Variants in TYW1B observed in about 807,000 individuals in gnomAD.
TYW1B encodes the protein tRNA-yW synthesizing protein 1 homolog B.
TYW1B carries 73 observed loss-of-function variants against 86.9 expected under a neutral mutation model. The ratio of observed to expected loss-of-function variants is 0.84; its 90% CI spans 0.70 to 1.02. The LOEUF (loss-of-function observed/expected upper bound fraction) is 1.02, where lower values mean the gene tolerates loss of function less well. Ranked by LOEUF, TYW1B falls within the 50% of genes least tolerant of loss-of-function variation. The pLI is 0.00. For synonymous variants in TYW1B, 248 were observed against 292.8 expected (o/e 0.85, Z 1.56); for missense variants, 637 against 827.4 (o/e 0.77, Z 2.82).
At position 72,823,957 on chromosome 7, in the gene TYW1B, T is replaced by C. The variant is rs143788021; in HGVS notation, c.135+2898A>G. On this transcript the variant is annotated intron_variant, in intron 2 of 13. Transcript: ENST00000620995. ...GCAAGTATTCGTTTGATCTTTTTGA[T>C]CATTTTTTTTTAAAAAGGTAAAAAC... 7.1e-3 allele frequency among the ~76,000 whole-genome samples: 1,079 copies of C among 152,098 alleles called. 11 individuals are homozygous for C. Among genetic ancestry groups the C allele is most frequent in the Middle Eastern group, 0.01 (3 of 294 alleles).
intron 9 of TYW1B, among the ~76,000 whole-genome samples, chr7:72,718,020 G>A (rs1428144760): frequency 1.3e-5 from 2 of 152,092 alleles, no homozygotes; most frequent in South Asian, 2.1e-4. Flanking sequence ...GTACCCACTC[G>A]TATGTTCATC....
At position 72,752,231 on chromosome 7, in the gene TYW1B, G is replaced by C. The variant is rs374802634; in HGVS notation, c.965-7630C>G. ...ATTTCACAGGCCAGGCCACTTGAGG[G>C]GGCTGCAGGCTGGGGAGAAGGATCG... On this transcript the variant is annotated intron_variant, in intron 7 of 13. Coordinates refer to ENST00000620995, the MANE Select transcript of TYW1B (RefSeq NM_001145440.3). Among the ~76,000 whole-genome samples, 43 of 152,268 alleles carry C rather than the reference G, an allele frequency of 2.8e-4. No individual in the cohort carries two copies. In the East Asian group the frequency reaches 4.6e-3, roughly 16 times the overall value.
intron 11 of TYW1B, among the ~76,000 whole-genome samples, chr7:72,679,818 A>G (rs782442286): frequency 5.3e-5 from 8 of 152,202 alleles, no homozygotes; most frequent in Admixed American, 3.3e-4. Flanking sequence ...GGAGTTATAC[A>G]TAAGAGTGAA....
intron 4 of TYW1B, among the ~76,000 whole-genome samples, chr7:72,810,205 G>C (rs1451008545): frequency 1.3e-5 from 2 of 152,164 alleles, no homozygotes; most frequent in African/African-American, 4.8e-5. Context: ...TTGAACCCGG[G>C]AGCTAGAAGT....
intron 11 of TYW1B, among the ~76,000 whole-genome samples, chr7:72,666,148 T>C (rs1387158036): frequency 1.3e-5 from 2 of 152,112 alleles, no homozygotes; most frequent in African/African-American, 4.8e-5. Context: ...GCATGGTGGC[T>C]CACGCCTATA....
At position 72,726,740 on chromosome 7, in the gene TYW1B, G is replaced by A. The variant is rs537457851; in HGVS notation, c.1192+2082C>T. 3.2e-4 allele frequency among the ~76,000 whole-genome samples: 48 copies of A among 152,178 alleles called. No homozygotes were observed. The South Asian group carries it at 9.8e-3, about 31-fold the overall frequency. On this transcript the variant is annotated intron_variant, in intron 9 of 13. Coordinates refer to ENST00000620995, the MANE Select transcript of TYW1B (RefSeq NM_001145440.3). ...CATGACTTTTCTCCATTTCTCATAA[G>A]AATGAGAAATAAGTATGAGCCCATT...
intron 13 of TYW1B, among the ~76,000 whole-genome samples, chr7:72,598,645 G>C (rs1811589370): frequency 1.3e-5 from 2 of 152,272 alleles, no homozygotes; most frequent in Non-Finnish European, 2.9e-5. Context: ...AAGTTTAATA[G>C]CCTGAGGAGT....
In TYW1B at chr7:72,674,940, A is replaced by G. The variant is rs145899061; in HGVS notation, c.1506+19747T>C. ...TCCTTAGAAACGGATTTCTAGCCTT[A>G]GAATAAAAAGAGTACCAAAAAATAA... On this transcript the variant is annotated intron_variant, in intron 11 of 13. Coordinates refer to ENST00000620995, the MANE Select transcript of TYW1B (RefSeq NM_001145440.3). 1.6e-3 allele frequency among the ~76,000 whole-genome samples: 240 copies of G among 152,054 alleles called. 11 individuals are homozygous for G. In the East Asian group the frequency reaches 0.044, roughly 28 times the overall value.
At position 72,613,339 on chromosome 7, in the gene TYW1B, T is replaced by A. The variant is rs1811982940; in HGVS notation, c.1785+3333A>T. Among the ~76,000 whole-genome samples, 3 of 151,898 alleles carry A rather than the reference T, an allele frequency of 2.0e-5. No homozygotes were observed. In the South Asian group the frequency reaches 6.2e-4, roughly 32 times the overall value. ...AGAAGAATATCTGACAGAGGCTGTA[T>A]GTGCCTTGCAAACCTCAAATATTTA... On this transcript the variant is annotated intron_variant, in intron 13 of 13. Transcript: ENST00000620995.
At chr7:72,706,115 T>C (rs1162030921) in intron 10 of TYW1B, among the ~76,000 whole-genome samples, 3 of 152,162 alleles carry the variant, frequency 2.0e-5, no homozygotes, top group Non-Finnish European at 4.4e-5. Flanking sequence ...AAAATGCGGA[T>C]TGCATATGAA....
intron 10 of TYW1B, among the ~76,000 whole-genome samples, chr7:72,702,867 G>A (rs1334180906): frequency 6.6e-6 from 1 of 151,752 alleles, no homozygotes; most frequent in African/African-American, 2.4e-5. Flanking sequence ...ATTTTTGCCA[G>A]TATTCTCATT....
At chr7:72,582,512 GTCTCAAAAAGT>G (rs1554429764) in intron 13 of TYW1B, among the ~76,000 whole-genome samples, 2 of 152,128 alleles carry the variant, frequency 1.3e-5, no homozygotes, top group Non-Finnish European at 2.9e-5. Context: ...GACATTAAAG[GTCTCAAAAAGT>G]TGTACTTTTT....
intron 11 of TYW1B, among the ~76,000 whole-genome samples, chr7:72,692,562 T>C (rs1472661660): frequency 6.6e-6 from 1 of 151,986 alleles, no homozygotes; most frequent in Non-Finnish European, 1.5e-5. Flanking sequence ...TGTACTATGC[T>C]AGACATTGTG....
chr7:72,803,462 T>C (rs1178835278), intron 5 of TYW1B, among the ~76,000 whole-genome samples: 4 of 152,178 alleles, frequency 2.6e-5, no homozygotes, highest in African/African-American at 9.7e-5. Flanking sequence ...ATTCATTTCA[T>C]CCTTAACTAC....
chr7:72,648,685 A>T (rs1554442378), intron 11 of TYW1B, among the ~76,000 whole-genome samples: 1 of 152,202 alleles, frequency 6.6e-6, no homozygotes, highest in Non-Finnish European at 1.5e-5. Context: ...CAGAGTTTGA[A>T]GAGTCATGTA....
intron 11 of TYW1B, among the ~76,000 whole-genome samples, chr7:72,650,229 C>T (rs1374534117): frequency 6.6e-6 from 1 of 151,830 alleles, no homozygotes; most frequent in African/African-American, 2.4e-5. Context: ...TGTTTTTAAC[C>T]CATCAATTAA....
intron 5 of TYW1B, among the ~76,000 whole-genome samples, chr7:72,805,111 T>C (rs9692137): frequency 0.78 from 118,561 of 151,302 alleles, 46,656 homozygotes; most frequent in Middle Eastern, 0.8. Context: ...GACACATTCC[T>C]CTGGTCCTCA....
Position 72,724,890 on chromosome 7 carries a change from T to C in TYW1B, c.1192+3932A>G, listed in dbSNP as rs35735513. Among the ~76,000 whole-genome samples the C allele has an allele frequency of 3.3e-5, 5 of 152,210 alleles. No individual in the cohort carries two copies. In the South Asian group the frequency reaches 8.3e-4, roughly 25 times the overall value. ...CATTCTAATGCCTACTCAGGATTCA[T>C]GCATCCATAGACGTGCTCTATTCTT... is the stretch of plus-strand genomic sequence containing the variant. On this transcript the variant is annotated intron_variant, in intron 9 of 13. Coordinates refer to ENST00000620995, the MANE Select transcript of TYW1B (RefSeq NM_001145440.3).
At chr7:72,613,363 T>C (rs548041146) in intron 13 of TYW1B, among the ~76,000 whole-genome samples, 3 of 151,324 alleles carry the variant, frequency 2.0e-5, no homozygotes, top group Non-Finnish European at 4.4e-5. Context: ...CTCAAATATT[T>C]ACTTTATATA....
Sources: gnomAD v4.1 joint callset for allele counts (sites outside exome capture counted in the v4.1 genomes callset) on GRCh38, gnomAD v4.1.1 for gene constraint, MANE v1.5 for transcripts, NCBI Gene and HGNC (gene_info 2026-07-23, HGNC 2026-07-21) for gene names.